MYO18B: variants seen among roughly 807,000 people sequenced by gnomAD.
The protein encoded by MYO18B is myosin XVIIIB, also known as unconventional myosin-XVIIIb.
MYO18B carries 204 observed loss-of-function variants against 273.0 expected under a neutral mutation model. That is an observed-to-expected ratio of 0.75 (90% CI 0.67 to 0.84). The LOEUF is 0.84. Ranked by LOEUF, MYO18B falls within the 40% of genes least tolerant of loss-of-function variation. The probability of loss-of-function intolerance (pLI) is 0.00; values close to 1 mark genes in which losing one functional copy is unlikely to be tolerated. For synonymous variants in MYO18B, 1,330 were observed against 1,305.7 expected (o/e 1.02, Z -0.40); for missense variants, 3,212 against 3,287.6 (o/e 0.98, Z 0.56).
chr22:25,807,793 G>A (rs140240748), intron 12 of MYO18B, among the ~76,000 whole-genome samples: 1 of 152,164 alleles, frequency 6.6e-6, no homozygotes, highest in East Asian at 1.9e-4. Context: ...ATTCTAGGAC[G>A]TATAGGATGG....
chr22:25,847,968 CACACA>C (rs1397352174), intron 20 of MYO18B, among the ~76,000 whole-genome samples: 7 of 151,184 alleles, frequency 4.6e-5, no homozygotes, highest in African/African-American at 1.5e-4. Flanking sequence ...CACACACACA[CACACA>C]CAAAATGGGA....
At chr22:25,922,775 A>G (rs1219780688) in intron 34 of MYO18B, among the ~76,000 whole-genome samples, 1 of 152,214 alleles carries the variant, frequency 6.6e-6, no homozygotes, top group Non-Finnish European at 1.5e-5. Flanking sequence ...TATAGCGCCA[A>G]GGGTTGGAAA....
Position 25,851,477 on chromosome 22 carries a change from T to G in MYO18B, c.3783T>G (p.Ala1261=), listed in dbSNP as rs1340006970. ...EALRLHRTGY[A]DHMGLTRFRR... Reference sequence around the variant, plus strand: ...CTGCTCCTACCTCCCTAGGCTATGCTGACCACATGGGGCTCACTCGCTTCC... The same window carrying G: ...CTGCTCCTACCTCCCTAGGCTATGCGGACCACATGGGGCTCACTCGCTTCC... The change falls in exon 21 of 44, where the codon GCT becomes GCG. Residue 1261 remains alanine (A), a synonymous_variant. Coordinates refer to ENST00000335473, the MANE Select transcript of MYO18B (RefSeq NM_032608.7). The G allele has an allele frequency of 2.6e-6, 4 of 1,554,912 alleles. No homozygotes were observed. The Admixed American group carries it at 7.8e-5, about 30-fold the overall frequency.
chr22:26,036,065 G>C, the MYO18B span, among the ~76,000 whole-genome samples: 6 of 152,194 alleles, frequency 3.9e-5, no homozygotes, highest in Admixed American at 2.0e-4. Context: ...ATTGTACATA[G>C]GAAGCAGAGG....
chr22:26,012,126 T>C (rs750731315), intron 42 of MYO18B, among the ~76,000 whole-genome samples: 1 of 152,150 alleles, frequency 6.6e-6, no homozygotes, highest in Non-Finnish European at 1.5e-5. Flanking sequence ...AAAAAAACAG[T>C]TGCGTTACTT....
At chr22:26,023,077 C>G (rs556588943) in intron 42 of MYO18B, among the ~76,000 whole-genome samples, 1 of 152,216 alleles carries the variant, frequency 6.6e-6, no homozygotes, top group Non-Finnish European at 1.5e-5. Context: ...CTCTGTTTCC[C>G]CTCTCTCCTT....
intron 21 of MYO18B, among the ~76,000 whole-genome samples, chr22:25,852,720 C>G (rs3848862): frequency 0.089 from 13,619 of 152,194 alleles, 700 homozygotes; most frequent in Middle Eastern, 0.13. Context: ...TGTGGGTTTG[C>G]TCCTTGGACT....
chr22:25,843,678 T>C, intron 17 of MYO18B, 57 bp from the exon 18 acceptor site: 1 of 1,554,970 alleles, frequency 6.4e-7, no homozygotes, highest in Non-Finnish European at 8.8e-7. Flanking sequence ...GGATGCCAGC[T>C]GATTGCAGAG....
the MYO18B span, among the ~76,000 whole-genome samples, chr22:26,051,323 A>G: frequency 1.4e-5 from 2 of 143,590 alleles, no homozygotes; most frequent in South Asian, 4.3e-4. Context: ...TCCCGGGTTC[A>G]CGCCATTCTC....
chr22:25,873,017 G>A lies in MYO18B; in HGVS notation c.3952-1269G>A, dbSNP rs1453162855. Among the ~76,000 whole-genome samples the A allele has an allele frequency of 2.0e-5, 3 of 152,280 alleles. No homozygotes were observed. In the East Asian group the frequency reaches 5.8e-4, roughly 29 times the overall value. On this transcript the variant is annotated intron_variant, in intron 22 of 43. Transcript: ENST00000335473. ...AAGAGCATTTTTCCTCTGCCTCTGGGAAGTTGAGAAAATGACCAAAGCAAA... is the reference window on the plus strand; with the variant it reads ...AAGAGCATTTTTCCTCTGCCTCTGGAAAGTTGAGAAAATGACCAAAGCAAA...
At chr22:25,752,132 G>GTTCA (rs112427228) in intron 1 of MYO18B, among the ~76,000 whole-genome samples, 51 of 151,378 alleles carry the variant, frequency 3.4e-4, no homozygotes, top group African/African-American at 1.2e-3. Flanking sequence ...ATTTCTAACT[G>GTTCA]TTCATTCATT....
intron 1 of MYO18B, among the ~76,000 whole-genome samples, chr22:25,757,348 C>T (rs1222960901): frequency 6.6e-6 from 1 of 152,114 alleles, no homozygotes; most frequent in Non-Finnish European, 1.5e-5. Context: ...CGCCTGTTAT[C>T]CCAGCACTTT....
At chr22:25,876,779 T>TA (rs2091212436) in intron 24 of MYO18B, 2 of 152,612 alleles carry the variant, frequency 1.3e-5, no homozygotes, top group South Asian at 4.1e-4. Flanking sequence ...CAAAAATTAG[T>TA]AACTATACAC....
At chr22:25,981,702 G>A (rs535699011) in intron 39 of MYO18B, among the ~76,000 whole-genome samples, 7 of 152,286 alleles carry the variant, frequency 4.6e-5, no homozygotes, top group African/African-American at 1.7e-4. Flanking sequence ...CCATCATGGT[G>A]CCACAGCACT....
chr22:25,995,657 C>G (rs1276209978), intron 40 of MYO18B, among the ~76,000 whole-genome samples: 2 of 152,148 alleles, frequency 1.3e-5, no homozygotes, highest in Admixed American at 6.5e-5. Flanking sequence ...AGACATCACT[C>G]CAGTCTTGGC....
At chr22:25,778,796 C>CT (rs35841570) in intron 8 of MYO18B, among the ~76,000 whole-genome samples, 140,018 of 146,938 alleles carry the variant, frequency 0.95, 66,760 homozygotes, top group Non-Finnish European at 0.97. Flanking sequence ...CCAACCTGAA[C>CT]TTTTTTTTTT....
At chr22:25,851,904 A>C (rs1438938816) in intron 21 of MYO18B, among the ~76,000 whole-genome samples, 1 of 152,210 alleles carries the variant, frequency 6.6e-6, no homozygotes, top group East Asian at 1.9e-4. Flanking sequence ...CCAAACCCCC[A>C]CAACAATGTC....
intron 17 of MYO18B, among the ~76,000 whole-genome samples, 189 bp downstream of exon 17, chr22:25,835,632 G>T (rs2145952654): frequency 6.6e-6 from 1 of 152,370 alleles, no homozygotes; most frequent in Non-Finnish European, 1.5e-5. Flanking sequence ...CAGCCACTAT[G>T]TGCTGGGTAC....
chr22:25,882,122 C>T (rs2091354325), intron 25 of MYO18B, among the ~76,000 whole-genome samples: 1 of 152,054 alleles, frequency 6.6e-6, no homozygotes, highest in Non-Finnish European at 1.5e-5. Context: ...TTGTTGTTTC[C>T]CCTCACAGGA....
Sources: gnomAD v4.1 joint callset for allele counts (sites outside exome capture counted in the v4.1 genomes callset) on GRCh38, gnomAD v4.1.1 for gene constraint, MANE v1.5 for transcripts, NCBI Gene and HGNC (gene_info 2026-07-23, HGNC 2026-07-21) for gene names.